The following LTBP1 variants were observed in gnomAD, a reference collection of about 807,000 sequenced individuals.
The protein encoded by LTBP1 is latent transforming growth factor beta binding protein 1, also known as latent-transforming growth factor beta-binding protein 1.
A neutral mutation model predicts 207.6 loss-of-function variants in LTBP1; 129 were observed. The observed-to-expected ratio is 0.62, with a 90% CI of 0.54 to 0.72. LTBP1 has a LOEUF of 0.72. Ranked by LOEUF, LTBP1 falls within the 30% of genes least tolerant of loss-of-function variation. The probability of loss-of-function intolerance (pLI) is 0.00; values close to 1 mark genes in which losing one functional copy is unlikely to be tolerated. For missense variants in LTBP1, 2,281 were observed against 2,217.2 expected (o/e 1.03, Z -0.58); for synonymous variants, 963 against 833.7 (o/e 1.16, Z -2.67).
chr2:33,013,985 G>A (rs951387458), intron 2 of LTBP1, among the ~76,000 whole-genome samples: 5 of 152,078 alleles, frequency 3.3e-5, no homozygotes, highest in African/African-American at 9.7e-5. Flanking sequence ...GTTGTTACTC[G>A]TAAGATTAGA....
intron 26 of LTBP1, among the ~76,000 whole-genome samples, chr2:33,347,780 A>G (rs902702972): frequency 6.6e-6 from 1 of 152,194 alleles, no homozygotes; most frequent in Non-Finnish European, 1.5e-5. Flanking sequence ...TGATGAGGAC[A>G]TTTGCTGGGG....
rs111872056 is a variant in LTBP1 at position 32,986,944 on chromosome 2, T to A, written c.566-33965T>A. On this transcript the variant is annotated intron_variant, in intron 2 of 33. Coordinates refer to ENST00000404816, the MANE Select transcript of LTBP1 (RefSeq NM_206943.4). ...GGTCATGTTCCCATCCCTGAACCAA[T>A]CACCTGGCCAGTGGTTTGTGTTGCT... 1.0e-3 allele frequency among the ~76,000 whole-genome samples: 158 copies of A among 152,260 alleles called. 2 individuals carry two copies. Among genetic ancestry groups the A allele is most frequent in the African/African-American group, 3.6e-3 (149 of 41,548 alleles).
chr2:33,383,105 C>T (rs1165670611), intron 31 of LTBP1, among the ~76,000 whole-genome samples: 3 of 152,228 alleles, frequency 2.0e-5, no homozygotes, highest in African/African-American at 7.2e-5. Context: ...CCTGTAATCC[C>T]AGCACTTTGG....
intron 7 of LTBP1, among the ~76,000 whole-genome samples, chr2:33,196,836 A>T (rs1220982642): frequency 1.3e-5 from 2 of 152,194 alleles, no homozygotes; most frequent in African/African-American, 4.8e-5. Context: ...TGTTTTCGAG[A>T]TGGAATGCTA....
intron 9 of LTBP1, among the ~76,000 whole-genome samples, chr2:33,233,808 C>A (rs2149599373): frequency 6.6e-6 from 1 of 152,076 alleles, no homozygotes; most frequent in Non-Finnish European, 1.5e-5. Context: ...CCTTACACAA[C>A]TTTTCAATCT....
In LTBP1 at chr2:33,013,602, A is replaced by G. The variant is rs111448034; in HGVS notation, c.566-7307A>G. 4.0e-3 allele frequency among the ~76,000 whole-genome samples: 615 copies of G among 152,252 alleles called. 3 individuals are homozygous for G. Among genetic ancestry groups the G allele is most frequent in the African/African-American group, 0.014 (590 of 41,540 alleles). ...TGAATGCCTGTGATTAAAAAAAGTTATACATGGCAGTGATAAGATCAGAAA... is the reference window on the plus strand; with the variant it reads ...TGAATGCCTGTGATTAAAAAAAGTTGTACATGGCAGTGATAAGATCAGAAA... On this transcript the variant is annotated intron_variant, in intron 2 of 33. Coordinates refer to ENST00000404816, the MANE Select transcript of LTBP1 (RefSeq NM_206943.4).
At chr2:33,173,766 G>A (rs1294041861) in intron 5 of LTBP1, among the ~76,000 whole-genome samples, 163 of 142,302 alleles carry the variant, frequency 1.1e-3, no homozygotes, top group African/African-American at 3.4e-3. Context: ...ATAAAATACT[G>A]GCAAACCGAA....
At chr2:33,189,689 A>G (rs2087620191) in intron 7 of LTBP1, among the ~76,000 whole-genome samples, 1 of 152,184 alleles carries the variant, frequency 6.6e-6, no homozygotes, top group South Asian at 2.1e-4. Flanking sequence ...AATTCATGTC[A>G]TCTTTGACAG....
chr2:33,206,746 A>C (rs1029938882), intron 7 of LTBP1, among the ~76,000 whole-genome samples: 6 of 152,024 alleles, frequency 3.9e-5, no homozygotes, highest in African/African-American at 1.5e-4. Context: ...TTCAAAAAAA[A>C]AAAAAAAAGA....
chr2:32,980,058 C>T (rs1205281676), intron 2 of LTBP1, among the ~76,000 whole-genome samples: 1 of 151,798 alleles, frequency 6.6e-6, no homozygotes, highest in Non-Finnish European at 1.5e-5. Context: ...CAGTCTGTGT[C>T]TTTGTAGATG....
At chr2:33,175,708 T>C (rs894532666) in intron 5 of LTBP1, among the ~76,000 whole-genome samples, 5 of 152,110 alleles carry the variant, frequency 3.3e-5, no homozygotes, top group Non-Finnish European at 7.3e-5. Flanking sequence ...TGCACACGTA[T>C]GTTTATTGCG....
chr2:33,308,877 T>A (rs2094139386), intron 22 of LTBP1, among the ~76,000 whole-genome samples: 1 of 152,184 alleles, frequency 6.6e-6, no homozygotes, highest in Non-Finnish European at 1.5e-5. Flanking sequence ...TAATAAGTAT[T>A]TTTGAAATAT....
At chr2:33,308,349 A>G (rs2094130897) in intron 22 of LTBP1, among the ~76,000 whole-genome samples, 1 of 152,166 alleles carries the variant, frequency 6.6e-6, no homozygotes. Context: ...ATTTTTTTAA[A>G]CATTTTTAAA....
chr2:33,070,686 C>T (rs1362586340), intron 3 of LTBP1, among the ~76,000 whole-genome samples: 4 of 152,190 alleles, frequency 2.6e-5, no homozygotes, highest in East Asian at 1.9e-4. Flanking sequence ...CATGTTCTAA[C>T]GGGCTTCTTT....
At chr2:32,977,448 G>C (rs72791709) in intron 2 of LTBP1, among the ~76,000 whole-genome samples, 1 of 152,214 alleles carries the variant, frequency 6.6e-6, no homozygotes, top group Non-Finnish European at 1.5e-5. Context: ...CAAGGGCGGG[G>C]TGAGGGCGGC....
chr2:33,166,513 G>A (rs1048912430), intron 5 of LTBP1, among the ~76,000 whole-genome samples: 1 of 152,100 alleles, frequency 6.6e-6, no homozygotes, highest in African/African-American at 2.4e-5. Context: ...ACCTCCAATT[G>A]TTTTATTGTG....
chr2:33,371,895 GA>G (rs763323029), intron 31 of LTBP1, among the ~76,000 whole-genome samples: 2 of 152,232 alleles, frequency 1.3e-5, no homozygotes, highest in Non-Finnish European at 2.9e-5. Context: ...GTAGTGTGAT[GA>G]AATCTGGTGG....
chr2:33,163,630 A>G (rs1371687170), intron 5 of LTBP1, among the ~76,000 whole-genome samples: 1 of 152,212 alleles, frequency 6.6e-6, no homozygotes, highest in African/African-American at 2.4e-5. Flanking sequence ...TGGACACCCT[A>G]AATACCCCGA....
At chr2:33,302,574 C>T (rs1390460161) in intron 22 of LTBP1, among the ~76,000 whole-genome samples, 1 of 152,158 alleles carries the variant, frequency 6.6e-6, no homozygotes. Context: ...GAAGCAGTCA[C>T]AAGTGGCTGA....
Sources: allele counts gnomAD v4.1 joint callset (sites outside exome capture counted in the v4.1 genomes callset), GRCh38; gene constraint gnomAD v4.1.1; transcripts MANE v1.5; gene names NCBI Gene and HGNC (gene_info 2026-07-23, HGNC 2026-07-21).